The following ACVR1B variants were observed in gnomAD, a reference collection of about 807,000 sequenced individuals.
ACVR1B encodes activin A receptor type 1B.
Under a neutral mutation model 55.6 loss-of-function variants are expected in ACVR1B, and 15 were observed. That is an observed-to-expected ratio of 0.27 (90% CI 0.18 to 0.42). ACVR1B has a LOEUF of 0.42. Ranked by LOEUF, ACVR1B falls within the 10% of genes least tolerant of loss-of-function variation. The pLI, the probability that ACVR1B is intolerant of heterozygous loss-of-function variation, is 1.00. For missense variants in ACVR1B, 359 were observed against 670.1 expected, an observed-to-expected ratio of 0.54 and a Z score of 5.13; for synonymous variants, 247 against 254.6, an observed-to-expected ratio of 0.97 and a Z score of 0.28.
chr12:51,954,267 A>G (rs148703152), intron 1 of ACVR1B, among the ~76,000 whole-genome samples: 62 of 152,314 alleles, frequency 4.1e-4, no homozygotes, highest in Middle Eastern at 6.8e-3. Context: ...GGCCAGTGAT[A>G]AGGAGAATGA....
chr12:51,963,522 G>A (rs974868452), intron 1 of ACVR1B, among the ~76,000 whole-genome samples: 30 of 152,352 alleles, frequency 2.0e-4, no homozygotes, highest in African/African-American at 7.2e-4. Flanking sequence ...ATAGGCATGA[G>A]CCACCACGCC....
At chr12:51,964,328 T>C (rs1222636830) in intron 1 of ACVR1B, among the ~76,000 whole-genome samples, 1 of 152,156 alleles carries the variant, frequency 6.6e-6, no homozygotes, top group African/African-American at 2.4e-5. Flanking sequence ...TTAATTGGGT[T>C]GTTGTTGAGT....
intron 7 of ACVR1B, chr12:51,987,240 C>T (rs571785041): frequency 4.1e-5 from 26 of 638,324 alleles, no homozygotes; most frequent in Admixed American, 7.7e-5. Context: ...TGCCCCGGTG[C>T]GCATAGCACG....
At chr12:51,973,777 G>C (rs538966591) in intron 1 of ACVR1B, among the ~76,000 whole-genome samples, 1 of 152,286 alleles carries the variant, frequency 6.6e-6, no homozygotes, top group South Asian at 2.1e-4. Flanking sequence ...CTGATGAAAC[G>C]TGAAAAAATA....
intron 3 of ACVR1B, among the ~76,000 whole-genome samples, chr12:51,978,935 G>A (rs566442461): frequency 2.2e-4 from 33 of 151,724 alleles, no homozygotes; most frequent in Middle Eastern, 3.4e-3. Context: ...TCTTGAGGCC[G>A]GGCAGATCAC....
intron 1 of ACVR1B, among the ~76,000 whole-genome samples, chr12:51,967,234 C>T (rs563985331): frequency 3.3e-5 from 5 of 149,370 alleles, no homozygotes; most frequent in South Asian, 2.1e-4. Flanking sequence ...CGCGAGACTC[C>T]GTCTCAAAAA....
chr12:51,962,325 TA>T (rs981112254), intron 1 of ACVR1B, among the ~76,000 whole-genome samples: 2 of 151,364 alleles, frequency 1.3e-5, no homozygotes, highest in Non-Finnish European at 2.9e-5. Flanking sequence ...AAGTCAGTTA[TA>T]TTTTTTTTCA....
Position 51,976,635 on chromosome 12 carries a change from T to C in ACVR1B, c.580+60T>C, listed in dbSNP as rs115990454. ...GGCTTTCATCAGTTTCCCAGCAGGA[T>C]AGAGTGCTTGTAGAGAAGGCTGGAG... On this transcript the variant is annotated intron_variant, in intron 3 of 8. Coordinates refer to ENST00000257963, the MANE Select transcript of ACVR1B (RefSeq NM_004302.5). The C allele has an allele frequency of 9.9e-4, 1,586 of 1,597,442 alleles. 5 individuals are homozygous for C. In the African/African-American group the frequency reaches 0.017, roughly 17 times the overall value.
At chr12:51,985,506 A>G (rs1193914313) in intron 6 of ACVR1B, among the ~76,000 whole-genome samples, 158 bp downstream of exon 6, 3 of 152,250 alleles carry the variant, frequency 2.0e-5, no homozygotes, top group Non-Finnish European at 1.5e-5. Flanking sequence ...ACTCCCCACA[A>G]TGGAAAGTTG....
At chr12:51,973,595 A>G (rs1316911867) in intron 1 of ACVR1B, among the ~76,000 whole-genome samples, 1 of 152,168 alleles carries the variant, frequency 6.6e-6, no homozygotes, top group Non-Finnish European at 1.5e-5. Context: ...TTTGTGTCTA[A>G]ATGGGTTAGA....
intron 1 of ACVR1B, among the ~76,000 whole-genome samples, chr12:51,966,009 A>G (rs1941632447): frequency 6.6e-6 from 1 of 152,068 alleles, no homozygotes; most frequent in Admixed American, 6.6e-5. Context: ...GGGAGTGTGG[A>G]GATAGAGGGA....
intron 7 of ACVR1B, among the ~76,000 whole-genome samples, chr12:51,988,027 C>T (rs1192371661): frequency 6.6e-6 from 1 of 152,136 alleles, no homozygotes; most frequent in Non-Finnish European, 1.5e-5. Context: ...AAAAATATGA[C>T]AAGTCTTCCA....
chr12:51,953,557 T>A (rs963160110), intron 1 of ACVR1B: 4 of 984,484 alleles, frequency 4.1e-6, no homozygotes, highest in Non-Finnish European at 3.6e-6. Flanking sequence ...AGGGCCATGT[T>A]TTTGGAATGT....
At chr12:51,957,598 G>A (rs1476510748) in intron 1 of ACVR1B, among the ~76,000 whole-genome samples, 1 of 151,888 alleles carries the variant, frequency 6.6e-6, no homozygotes, top group Non-Finnish European at 1.5e-5. Flanking sequence ...TAGAGATGGG[G>A]TCTCACTTGT....
chr12:51,994,272 CA>C lies in ACVR1B; in HGVS notation c.*163del. The C allele has an allele frequency of 1.0e-6, 1 of 987,098 alleles. No homozygotes were observed. The highest frequency in any genetic ancestry group is 1.6e-5 in the South Asian group (1 of 61,376). 61.1% of individuals were successfully genotyped at this position (987,098 alleles called of 1,614,324 possible). On this transcript the variant is annotated 3_prime_UTR_variant, in exon 9 of 9. Transcript: ENST00000257963. The surrounding 1 kb of genome is among the most constrained non-coding windows in gnomAD (Gnocchi z 4.2). ...AGCCCGGGAGAGACTCGCTCACTCC[CA>C]TGTTGGGTTTGAGACAGACACCTTT...
intron 1 of ACVR1B, among the ~76,000 whole-genome samples, chr12:51,967,960 C>T (rs779877353): frequency 5.9e-5 from 9 of 152,114 alleles, no homozygotes; most frequent in Admixed American, 3.3e-4. Flanking sequence ...TCTGGCTGGG[C>T]GCGGTGGCTC....
intron 1 of ACVR1B, among the ~76,000 whole-genome samples, chr12:51,953,749 T>TG (rs1941357168): frequency 6.6e-6 from 1 of 152,184 alleles, no homozygotes; most frequent in African/African-American, 2.4e-5. Flanking sequence ...GTAGTGTTTG[T>TG]GGGGTTTTTC....
intron 3 of ACVR1B, among the ~76,000 whole-genome samples, chr12:51,978,041 C>T (rs546509518): frequency 3.9e-4 from 59 of 152,026 alleles, no homozygotes; most frequent in Admixed American, 1.4e-3. Context: ...CTGCTTGACA[C>T]GGGAGTACTT....
intron 7 of ACVR1B, chr12:51,987,178 C>T (rs776912194): frequency 1.9e-5 from 13 of 700,760 alleles, no homozygotes; most frequent in South Asian, 4.7e-5. Context: ...TCTGAAGGCT[C>T]GTTTGGCTTT....
Sources: gnomAD v4.1 joint callset for allele counts (sites outside exome capture counted in the v4.1 genomes callset) on GRCh38, gnomAD v4.1.1 for gene constraint, Gnocchi (gnomAD v3.1) non-coding constraint, MANE v1.5 for transcripts, NCBI Gene and HGNC (gene_info 2026-07-23, HGNC 2026-07-21) for gene names.